The following PLA2G4C variants were observed in gnomAD, a reference collection of about 807,000 sequenced individuals.
PLA2G4C encodes the protein cytosolic phospholipase A2 gamma.
Under a neutral mutation model 73.8 loss-of-function variants are expected in PLA2G4C, and 64 were observed. The observed-to-expected ratio is 0.87, with a 90% CI of 0.71 to 1.07. The LOEUF is 1.07. Ranked by LOEUF, PLA2G4C falls within the 50% of genes least tolerant of loss-of-function variation. The probability of loss-of-function intolerance (pLI) is 0.00; values close to 1 mark genes in which losing one functional copy is unlikely to be tolerated. For synonymous variants in PLA2G4C, 254 were observed against 252.1 expected, an observed-to-expected ratio of 1.01 and a Z score of -0.07; for missense variants, 622 against 665.4, an observed-to-expected ratio of 0.93 and a Z score of 0.72.
intron 10 of PLA2G4C, among the ~76,000 whole-genome samples, chr19:48,082,933 C>A (rs1357428739): frequency 6.6e-6 from 1 of 151,450 alleles, no homozygotes; most frequent in Non-Finnish European, 1.5e-5. Flanking sequence ...CCTGCCTCAG[C>A]CTCCCGAGTA....
At chr19:48,053,916 C>A (rs987723219) in intron 15 of PLA2G4C, among the ~76,000 whole-genome samples, 4 of 152,218 alleles carry the variant, frequency 2.6e-5, no homozygotes, top group African/African-American at 9.6e-5. Context: ...CAGCTGCTCA[C>A]CTGAGACTGG....
intron 13 of PLA2G4C, among the ~76,000 whole-genome samples, chr19:48,064,236 C>A (rs1379722767): frequency 1.3e-5 from 2 of 152,140 alleles, no homozygotes; most frequent in Non-Finnish European, 2.9e-5. Context: ...CAAGACCAGC[C>A]TGACCAACAT....
At chr19:48,106,137 C>A (rs919423631) in intron 2 of PLA2G4C, among the ~76,000 whole-genome samples, 6 of 150,238 alleles carry the variant, frequency 4.0e-5, no homozygotes, top group African/African-American at 1.5e-4. Flanking sequence ...ACCACCAGTG[C>A]GGTGGTGCAA....
At chr19:48,087,760 C>T (rs1332441332) in intron 9 of PLA2G4C, among the ~76,000 whole-genome samples, 6 of 151,992 alleles carry the variant, frequency 3.9e-5, no homozygotes, top group Admixed American at 3.9e-4. Context: ...CACGGAGAAA[C>T]CCCATCTCTA....
At chr19:48,079,147 C>T (rs1456568261) in intron 10 of PLA2G4C, among the ~76,000 whole-genome samples, 1 of 152,074 alleles carries the variant, frequency 6.6e-6, no homozygotes, top group African/African-American at 2.4e-5. Flanking sequence ...GGATTACAGA[C>T]GTGAGCTACC....
rs751171077 is a variant in PLA2G4C at position 48,110,565 on chromosome 19, T to G, written c.-111A>C. On this transcript the variant is annotated 5_prime_UTR_variant, in exon 1 of 17. Transcript: ENST00000599921. The stretch of plus-strand genomic sequence containing the variant: ...ATCCGGTGCGGAGGCTTGGGCTCCC[T>G]GCGCTTAGCGGTGTAGTCGCTGGAC... 2.7e-4 allele frequency: 107 copies of G among 392,882 alleles called. No individual in the cohort carries two copies. The highest frequency in any genetic ancestry group is 2.1e-3 in the African/African-American group (11 of 5,230). The allele number at this position is 392,882 out of a possible 1,614,324, so 24.3% of individuals were successfully genotyped here.
rs1186856205 is a variant in PLA2G4C at position 48,067,845 on chromosome 19, T to G, written c.1048A>C (p.Ile350Leu). 6.2e-7 allele frequency: 1 copy of G among 1,613,750 alleles called. No individual in the cohort carries two copies. The highest frequency in any genetic ancestry group is 8.5e-7 in the Non-Finnish European group (1 of 1,179,832). Residue 350 changes from isoleucine (I) to leucine (L), a missense_variant, in exon 13 of 17, where the codon ATT (isoleucine) becomes CTT (leucine). Coordinates refer to ENST00000599921, the MANE Select transcript of PLA2G4C (RefSeq NM_003706.3). ...CCCCATTCCCACTTTGAAGCGCAAA[T>G]GCCTGTTTTCTTCACAAAATCCATC... The part of the protein sequence containing the change: ...NLMDFVKKTG[I>L]CASKWEWGTT...
intron 5 of PLA2G4C, among the ~76,000 whole-genome samples, chr19:48,098,749 AAAAT>A (rs2031743752): frequency 7.4e-6 from 1 of 135,568 alleles, no homozygotes; most frequent in Non-Finnish European, 1.6e-5. Context: ...AAAAAAAAAA[AAAAT>A]TTGTCAGGCC....
intron 14 of PLA2G4C, among the ~76,000 whole-genome samples, chr19:48,058,797 G>A (rs950102328): frequency 4.2e-4 from 62 of 147,288 alleles, no homozygotes; most frequent in African/African-American, 1.5e-3. Flanking sequence ...CAGCCTGGGC[G>A]ACACAGAAGA....
chr19:48,079,822 A>G (rs1192072235), intron 10 of PLA2G4C, among the ~76,000 whole-genome samples: 1 of 152,128 alleles, frequency 6.6e-6, no homozygotes, highest in Non-Finnish European at 1.5e-5. Context: ...TTGGCCAGGT[A>G]TGGTGTTGGA....
intron 16 of PLA2G4C, 71 bp downstream of exon 16, chr19:48,052,926 C>T: frequency 6.6e-7 from 1 of 1,504,966 alleles, no homozygotes. Flanking sequence ...CTGCCTGTTG[C>T]AGAGAAAGTT....
intron 10 of PLA2G4C, among the ~76,000 whole-genome samples, chr19:48,084,280 G>A (rs535214725): frequency 6.6e-6 from 1 of 152,090 alleles, no homozygotes; most frequent in Admixed American, 6.6e-5. Context: ...GCTTGCACTC[G>A]AACCCCTGAC....
intron 3 of PLA2G4C, among the ~76,000 whole-genome samples, chr19:48,105,104 A>AAG: frequency 7.2e-6 from 1 of 139,858 alleles, no homozygotes; most frequent in South Asian, 2.2e-4. Context: ...AAAAAAAAAA[A>AAG]GAAAGAAAAG....
rs2032448096 is a variant in PLA2G4C at position 48,110,531 on chromosome 19, T to TGCTCCAGAATCCGGTGCGGAGGCTTGG, written c.-78_-77insCCAAGCCTCCGCACCGGATTCTGGAGC. The TGCTCCAGAATCCGGTGCGGAGGCTTGG allele has an allele frequency of 7.2e-7, 1 of 1,386,156 alleles. No homozygotes were observed. The highest frequency in any genetic ancestry group is 2.9e-5 in the East Asian group (1 of 34,242). 85.9% of individuals were successfully genotyped at this position (1,386,156 alleles called of 1,614,324 possible). A position where few individuals can be genotyped will look rare whatever the true frequency, so the allele number is the denominator to read the frequency against. On this transcript the variant is annotated 5_prime_UTR_variant, in exon 1 of 17. Transcript: ENST00000599921. ...GTGTGCGCATGCGCGGTGGAGCTTGTGCTCCGGAATCCGGTGCGGAGGCTT... is the reference window on the plus strand; with the variant it reads ...GTGTGCGCATGCGCGGTGGAGCTTGTGCTCCAGAATCCGGTGCGGAGGCTTGGGCTCCGGAATCCGGTGCGGAGGCTT...
At chr19:48,064,440 A>AC (rs1199628486) in intron 13 of PLA2G4C, among the ~76,000 whole-genome samples, 5 of 151,694 alleles carry the variant, frequency 3.3e-5, no homozygotes, top group South Asian at 2.1e-4. Flanking sequence ...CAAAAAAAAA[A>AC]AAAACCAAAA....
At position 48,048,336 on chromosome 19, in the gene PLA2G4C, G is replaced by A; in HGVS notation, c.*7C>T. 6.3e-7 allele frequency: 1 copy of A among 1,596,548 alleles called. No homozygotes were observed. Among genetic ancestry groups the A allele is most frequent in the Non-Finnish European group, 8.5e-7 (1 of 1,173,806 alleles). ...AGGCCCACAGTGCCCTGGAAGCTGA[G>A]GCTCATCTATGCCAAGCAGCAACTT... On this transcript the variant is annotated 3_prime_UTR_variant, in exon 17 of 17. Coordinates refer to ENST00000599921, the MANE Select transcript of PLA2G4C (RefSeq NM_003706.3).
intron 4 of PLA2G4C, among the ~76,000 whole-genome samples, chr19:48,101,923 C>T (rs1474916116): frequency 6.6e-6 from 1 of 151,830 alleles, no homozygotes; most frequent in East Asian, 2.0e-4. Context: ...GATCCACCTG[C>T]CTCGGCCTCT....
At chr19:48,101,526 G>A (rs1568453583) in intron 4 of PLA2G4C, among the ~76,000 whole-genome samples, 1 of 152,002 alleles carries the variant, frequency 6.6e-6, no homozygotes. Flanking sequence ...CATAGCTCTT[G>A]AGCCCCTGAA....
intron 15 of PLA2G4C, 117 bp from the exon 16 acceptor site, chr19:48,053,264 T>A: frequency 1.6e-6 from 1 of 611,284 alleles, no homozygotes. Context: ...CCAAATCCAG[T>A]CGGCCCACTA....
Sources: allele counts gnomAD v4.1 joint callset (sites outside exome capture counted in the v4.1 genomes callset), GRCh38; gene constraint gnomAD v4.1.1; transcripts MANE v1.5; gene names NCBI Gene and HGNC (gene_info 2026-07-23, HGNC 2026-07-21).